The following SLCO5A1 variants were observed in gnomAD, a reference collection of about 807,000 sequenced individuals.
The protein encoded by SLCO5A1 is organic anion transporter polypeptide-related protein 4.
SLCO5A1 carries 39 observed loss-of-function variants against 65.1 expected under a neutral mutation model. That is an observed-to-expected ratio of 0.60 (90% CI 0.46 to 0.78). The LOEUF (loss-of-function observed/expected upper bound fraction) is 0.78, where lower values mean the gene tolerates loss of function less well. Among genes scored for constraint, SLCO5A1 ranks in the 30% least tolerant of loss-of-function variants. SLCO5A1 has a pLI of 0.00. For missense variants in SLCO5A1, 1,029 were observed against 1,069.4 expected (o/e 0.96, Z 0.53); for synonymous variants, 438 against 415.7 (o/e 1.05, Z -0.65).
At chr8:69,771,142 G>A (rs1191517969) in intron 2 of SLCO5A1, among the ~76,000 whole-genome samples, 1 of 151,896 alleles carries the variant, frequency 6.6e-6, no homozygotes, top group Non-Finnish European at 1.5e-5. Context: ...CCACCACCAC[G>A]CCCGGCTAAT....
chr8:69,682,198 T>C lies in SLCO5A1; in HGVS notation c.1768A>G (p.Asn590Asp), dbSNP rs1447289179. 6.2e-7 allele frequency: 1 copy of C among 1,610,856 alleles called. No individual in the cohort carries two copies. The highest frequency in any genetic ancestry group is 8.5e-7 in the Non-Finnish European group (1 of 1,178,738). ...PCLAGCVNSG[N>D]LSTGIRNYTE... Reference sequence around the variant, plus strand: ...AATATACTCACCCCAGTGCTAAGATTACCACTATTAACACAGCCAGCCAGA... The same window carrying C: ...AATATACTCACCCCAGTGCTAAGATCACCACTATTAACACAGCCAGCCAGA... Residue 590 changes from asparagine (N) to aspartate (D), a missense_variant, in exon 7 of 10, where the codon AAT becomes GAT. This residue lies in a region of SLCO5A1 where 124 missense variants were observed against 184.5 expected (regional missense o/e 0.67). Transcript: ENST00000260126.
intron 2 of SLCO5A1, among the ~76,000 whole-genome samples, chr8:69,787,726 T>C (rs1819097678): frequency 6.6e-6 from 1 of 152,172 alleles, no homozygotes; most frequent in African/African-American, 2.4e-5. Context: ...CTATTGGATC[T>C]CAAAGCTTTT....
In SLCO5A1 at chr8:69,757,091, C is replaced by T. The variant is rs1817569956; in HGVS notation, c.1041-1450G>A. Among the ~76,000 whole-genome samples, 4 of 152,294 alleles carry T rather than the reference C, an allele frequency of 2.6e-5. No individual in the cohort carries two copies. The South Asian group carries it at 8.3e-4, about 32-fold the overall frequency. ...TTAAAATAATGTTTCTATTAAAGTG[C>T]TGTTATCAGCTGCTAAAGGTCACAG... On this transcript the variant is annotated intron_variant, in intron 3 of 9. Coordinates refer to ENST00000260126, the MANE Select transcript of SLCO5A1 (RefSeq NM_030958.3).
At chr8:69,822,449 G>T (rs543243904) in intron 2 of SLCO5A1, among the ~76,000 whole-genome samples, 5 of 152,134 alleles carry the variant, frequency 3.3e-5, no homozygotes, top group Non-Finnish European at 5.9e-5. Flanking sequence ...ATAACATTAC[G>T]AAAACACTGA....
intron 6 of SLCO5A1, among the ~76,000 whole-genome samples, chr8:69,693,201 T>A (rs537745941): frequency 1.4e-4 from 21 of 152,368 alleles, no homozygotes; most frequent in African/African-American, 4.1e-4. Flanking sequence ...ATTTTCTTTG[T>A]CCATTCATCT....
At chr8:69,790,434 A>G (rs1294324743) in intron 2 of SLCO5A1, among the ~76,000 whole-genome samples, 1 of 152,152 alleles carries the variant, frequency 6.6e-6, no homozygotes, top group Non-Finnish European at 1.5e-5. Flanking sequence ...TGTAACATTT[A>G]TCTCACCTAA....
At position 69,685,786 on chromosome 8, in the gene SLCO5A1, G is replaced by A. The variant is rs556266613; in HGVS notation, c.1623-3443C>T. Among the ~76,000 whole-genome samples the A allele has an allele frequency of 8.5e-5, 13 of 152,186 alleles. No individual in the cohort carries two copies. The East Asian group carries it at 2.3e-3, about 27-fold the overall frequency. On this transcript the variant is annotated intron_variant, in intron 6 of 9. Coordinates refer to ENST00000260126, the MANE Select transcript of SLCO5A1 (RefSeq NM_030958.3). ...GAGGCCTCAAGAAAACCAGCCCTGGGGAGACAGCAAAAGAGAAAACAAGTA... is the reference window on the plus strand; with the variant it reads ...GAGGCCTCAAGAAAACCAGCCCTGGAGAGACAGCAAAAGAGAAAACAAGTA...
chr8:69,704,142 T>G (rs1486550643), intron 6 of SLCO5A1, among the ~76,000 whole-genome samples: 1 of 152,216 alleles, frequency 6.6e-6, no homozygotes, highest in Non-Finnish European at 1.5e-5. Context: ...CTCAAGTTAT[T>G]CTCCTGCGTC....
intron 2 of SLCO5A1, among the ~76,000 whole-genome samples, chr8:69,802,221 G>T (rs1819773607): frequency 6.6e-6 from 1 of 152,130 alleles, no homozygotes; most frequent in Non-Finnish European, 1.5e-5. Flanking sequence ...GTTTAATGTG[G>T]GCTGGGCACA....
intron 2 of SLCO5A1, chr8:69,794,431 C>G: frequency 2.2e-6 from 1 of 448,880 alleles, no homozygotes. Flanking sequence ...AGAAGGACTT[C>G]AGAAACTTTA....
At chr8:69,734,773 C>T (rs900650544) in intron 5 of SLCO5A1, among the ~76,000 whole-genome samples, 3 of 152,124 alleles carry the variant, frequency 2.0e-5, no homozygotes, top group Admixed American at 6.5e-5. Flanking sequence ...AACTCAAAAA[C>T]TTTGTCAGAT....
intron 2 of SLCO5A1, chr8:69,794,235 G>A (rs1819392159): frequency 4.3e-6 from 2 of 464,380 alleles, no homozygotes; most frequent in African/African-American, 2.0e-5. Context: ...GTGGTACCCT[G>A]CTTGTCAAAA....
chr8:69,825,332 T>A (rs1052531614), intron 2 of SLCO5A1, among the ~76,000 whole-genome samples: 2 of 152,172 alleles, frequency 1.3e-5, no homozygotes, highest in African/African-American at 4.8e-5. Flanking sequence ...AAAGAGGAAG[T>A]CAAATTGTCC....
chr8:69,784,072 C>CT (rs1361565799), intron 2 of SLCO5A1, among the ~76,000 whole-genome samples: 1 of 152,046 alleles, frequency 6.6e-6, no homozygotes, highest in African/African-American at 2.4e-5. Flanking sequence ...AAAATAAGAT[C>CT]TTTTTTTAAC....
intron 2 of SLCO5A1, among the ~76,000 whole-genome samples, chr8:69,787,335 T>C (rs1819075296): frequency 6.6e-6 from 1 of 152,220 alleles, no homozygotes; most frequent in Non-Finnish European, 1.5e-5. Flanking sequence ...TTGAGTAGTG[T>C]CCGGCCACTG....
chr8:69,780,415 A>C (rs541769863), intron 2 of SLCO5A1, among the ~76,000 whole-genome samples: 1 of 152,244 alleles, frequency 6.6e-6, no homozygotes, highest in Non-Finnish European at 1.5e-5. Flanking sequence ...GTGCATATCA[A>C]TGGAGGACTG....
intron 5 of SLCO5A1, among the ~76,000 whole-genome samples, chr8:69,711,532 T>C (rs1466586424): frequency 6.6e-6 from 1 of 152,170 alleles, no homozygotes; most frequent in East Asian, 1.9e-4. Flanking sequence ...CGTGGGAAGA[T>C]GCACCAAGCC....
At chr8:69,834,086 C>CCACACACACACA (rs60625289) in intron 1 of SLCO5A1, 42 of 144,430 alleles carry the variant, frequency 2.9e-4, no homozygotes, top group African/African-American at 1.1e-3. Flanking sequence ...GCGTGCGCGG[C>CCACACACACACA]CACACACACA....
intron 2 of SLCO5A1, among the ~76,000 whole-genome samples, chr8:69,819,856 G>A (rs548400291): frequency 6.6e-6 from 1 of 152,252 alleles, no homozygotes; most frequent in South Asian, 2.1e-4. Flanking sequence ...CAGATACTCA[G>A]GGAGACTGAG....
Sources: gnomAD v4.1 joint callset for allele counts (sites outside exome capture counted in the v4.1 genomes callset) on GRCh38, gnomAD v4.1.1 for gene constraint, gnomAD v4.1.1 regional missense constraint, MANE v1.5 for transcripts, NCBI Gene and HGNC (gene_info 2026-07-23, HGNC 2026-07-21) for gene names.